The following PRR12 variants were observed in gnomAD, a reference collection of about 807,000 sequenced individuals.
PRR12 encodes the protein proline-rich protein 12.
In PRR12, 12 loss-of-function variants were observed where a neutral mutation model predicts 138.0. The observed-to-expected ratio is 0.09, with a 90% CI of 0.06 to 0.14. PRR12 has a LOEUF of 0.14. PRR12 is among the 10% of genes least tolerant of loss of function. PRR12 has a pLI of 1.00. For missense variants in PRR12, 2,692 were observed against 2,861.3 expected (o/e 0.94, Z 1.35); for synonymous variants, 1,567 against 1,291.7 (o/e 1.21, Z -4.57).
chr19:49,608,257 A>G (rs1234387087), intron 6 of PRR12, among the ~76,000 whole-genome samples: 1 of 152,064 alleles, frequency 6.6e-6, no homozygotes, highest in Non-Finnish European at 1.5e-5. Flanking sequence ...CGGGAGGCTG[A>G]GGCCGGCAGA....
chr19:49,600,044 A>C, intron 5 of PRR12, 106 bp downstream of exon 5: 1 of 1,223,674 alleles, frequency 8.2e-7, no homozygotes, highest in Non-Finnish European at 1.1e-6. Context: ...ATTCACATAC[A>C]TGGTGTAAGC....
In PRR12 at chr19:49,599,072, C is replaced by T. The variant is rs1166417200; in HGVS notation, c.3679-200C>T. 6.6e-6 allele frequency among the ~76,000 whole-genome samples: 1 copy of T among 152,102 alleles called. No individual in the cohort carries two copies. The highest frequency in any genetic ancestry group is 1.5e-5 in the Non-Finnish European group (1 of 68,026). On this transcript the variant is annotated intron_variant, in intron 4 of 13. Coordinates refer to ENST00000418929, the MANE Select transcript of PRR12 (RefSeq NM_020719.3). The surrounding 1 kb of genome is among the most constrained non-coding windows in gnomAD (Gnocchi z 5.0). ...GAACTGGGCTGTAAGTGAAGAGGCT[C>T]AGTGAGTCCAAGTTCCTGGTCTTCT...
Position 49,625,396 on chromosome 19 carries a change from C to G in PRR12, c.5965-65C>G. The G allele has an allele frequency of 2.0e-6, 3 of 1,509,382 alleles. No individual in the cohort carries two copies. Among genetic ancestry groups the G allele is most frequent in the South Asian group, 1.3e-5 (1 of 78,248 alleles). 93.5% of individuals were successfully genotyped at this position (1,509,382 alleles called of 1,614,324 possible). On this transcript the variant is annotated intron_variant, in intron 13 of 13. Transcript: ENST00000418929. This position sits in a 1 kb window ranked among gnomAD's most constrained non-coding sequence, Gnocchi z 5.5. ...CATCTGACACCCCAGGCCCCATGCC[C>G]CAGCCCCTTCCCTCCCCAGAGGCCG...
chr19:49,595,304 G>C lies in PRR12; in HGVS notation c.969G>C (p.Met323Ile). ...YLSCGGSYPS[M>I]GHRANLACSP... is the part of the protein sequence containing the mutation. ...GCTGTGGAGGCAGCTACCCCTCCATGGGCCACCGGGCCAACCTGGCCTGCA... is the reference window on the plus strand; with the variant it reads ...GCTGTGGAGGCAGCTACCCCTCCATCGGCCACCGGGCCAACCTGGCCTGCA... Residue 323 changes from methionine (M) to isoleucine (I), a missense_variant, in exon 4 of 14, where the codon ATG (methionine) becomes ATC (isoleucine). Coordinates refer to ENST00000418929, the MANE Select transcript of PRR12 (RefSeq NM_020719.3). 1.3e-6 allele frequency: 2 copies of C among 1,545,038 alleles called. No homozygotes were observed. The highest frequency in any genetic ancestry group is 1.7e-6 in the Non-Finnish European group (2 of 1,146,124).
At position 49,596,129 on chromosome 19, in the gene PRR12, T is replaced by C. The variant is rs2080766735; in HGVS notation, c.1794T>C (p.Pro598=). The C allele has an allele frequency of 6.2e-7, 1 of 1,604,928 alleles. No homozygotes were observed. The highest frequency in any genetic ancestry group is 8.5e-7 in the Non-Finnish European group (1 of 1,179,750). The part of the protein sequence containing the change: ...KYLSSVLASA[P]FLAPPGAGSY... ...TGAGCTCAGTCTTGGCCTCAGCGCC[T>C]TTCCTGGCACCTCCGGGAGCTGGCA... Residue 598 remains proline, a synonymous_variant, in exon 4 of 14, where the codon CCT becomes CCC. Transcript: ENST00000418929. The surrounding 1 kb of genome is among the most constrained non-coding windows in gnomAD (Gnocchi z 5.6).
rs1039927526 is a variant in PRR12, at chr19:49,599,983, T to A, written c.4345+45T>A. On this transcript the variant is annotated intron_variant, in intron 5 of 13. Coordinates refer to ENST00000418929, the MANE Select transcript of PRR12 (RefSeq NM_020719.3). The surrounding 1 kb of genome is among the most constrained non-coding windows in gnomAD (Gnocchi z 5.0). ...TCTGGGAGTAGAGCTTAAAGGTTATTATGATCACTAGGTAACAGTTGTGCA... is the reference window on the plus strand; with the variant it reads ...TCTGGGAGTAGAGCTTAAAGGTTATAATGATCACTAGGTAACAGTTGTGCA... The A allele has an allele frequency of 2.0e-6, 3 of 1,505,906 alleles. No homozygotes were observed. Among genetic ancestry groups the A allele is most frequent in the Non-Finnish European group, 2.7e-6 (3 of 1,119,394 alleles). 93.3% of individuals were successfully genotyped at this position (1,505,906 alleles called of 1,614,324 possible). A position where few individuals can be genotyped will look rare whatever the true frequency, so the allele number is the denominator to read the frequency against.
At position 49,599,894 on chromosome 19, in the gene PRR12, C is replaced by T; in HGVS notation, c.4301C>T (p.Pro1434Leu). 1.2e-6 allele frequency: 2 copies of T among 1,611,094 alleles called. No homozygotes were observed. The highest frequency in any genetic ancestry group is 2.2e-5 in the South Asian group (2 of 90,982). ...CCCGCGGCTGCAGTTCCAGGGCCAC[C>T]CCCTCTTCCGGGGCTCCCCAGTGCC... ...LAPAAAVPGP[P>L]PLPGLPSANS... Residue 1434 changes from proline to leucine, a missense_variant, in exon 5 of 14, where the codon CCC becomes CTC. Around this residue, in one of 11 missense-constraint regions of PRR12, gnomAD observed 231 missense variants for 200.8 expected, o/e 1.15. Transcript: ENST00000418929. The surrounding 1 kb of genome is among the most constrained non-coding windows in gnomAD (Gnocchi z 5.0).
intron 10 of PRR12, 72 bp downstream of exon 10, chr19:49,620,549 G>A (rs1030035503): frequency 1.2e-5 from 18 of 1,537,726 alleles, no homozygotes; most frequent in Middle Eastern, 3.6e-4. Flanking sequence ...GGGCTTGGAC[G>A]TGATGTGAGA....
intron 10 of PRR12, among the ~76,000 whole-genome samples, chr19:49,620,817 C>T (rs2080918707): frequency 7.8e-6 from 1 of 128,812 alleles, no homozygotes; most frequent in Non-Finnish European, 1.6e-5. Context: ...GGCTGGGGGC[C>T]TGGACTCCTG....
chr19:49,624,996 CACTGGG>C lies in PRR12; in HGVS notation c.5868+7_5868+12del. 2 of 1,601,588 alleles carry C rather than the reference CACTGGG, an allele frequency of 1.2e-6. No individual in the cohort carries two copies. The highest frequency in any genetic ancestry group is 1.3e-5 in the African/African-American group (1 of 74,328). ...GGAGCGTGGTCAGAGCCCAGGTGGG[CACTGGG>C]GCTGGGGCTGGGAGTGGGGAGTGCT... is the stretch of plus-strand genomic sequence containing the variant. On this transcript the variant is annotated splice_region_variant and intron_variant, in intron 12 of 13. Coordinates refer to ENST00000418929, the MANE Select transcript of PRR12 (RefSeq NM_020719.3).
Position 49,599,252 on chromosome 19 carries a change from C to G in PRR12, c.3679-20C>G. 1 of 1,543,080 alleles carries G rather than the reference C, an allele frequency of 6.5e-7. No individual in the cohort carries two copies. The highest frequency in any genetic ancestry group is 8.7e-7 in the Non-Finnish European group (1 of 1,146,212). ...GGCCCAGGCTACTGGGCCCTCACGG[C>G]CCGCCACTCCCATGTCTAGATCAAG... On this transcript the variant is annotated intron_variant, in intron 4 of 13. Coordinates refer to ENST00000418929, the MANE Select transcript of PRR12 (RefSeq NM_020719.3). The surrounding 1 kb of genome is among the most constrained non-coding windows in gnomAD (Gnocchi z 5.0).
At chr19:49,591,867 C>A (rs2080730328) in intron 1 of PRR12, 127 bp downstream of exon 1, 1 of 498,490 alleles carries the variant, frequency 2.0e-6, no homozygotes, top group Non-Finnish European at 3.3e-6. Flanking sequence ...TGCAAGGGAG[C>A]GGCCTTCCTC....
Position 49,614,996 on chromosome 19 carries a change from C to G in PRR12, c.5011C>G (p.Pro1671Ala). The stretch of plus-strand genomic sequence containing the variant: ...TGCTCGGAAACCCTGGCATCGGCCC[C>G]CAGTGCCAGTCAGGTACCAACCATG... ...VCARKPWHRP[P>A]VPVRRSGQAK... is the part of the protein sequence containing the mutation. The change falls in exon 8 of 14, where the codon CCA becomes GCA. Residue 1671 changes from proline to alanine, a missense_variant. Transcript: ENST00000418929. The surrounding 1 kb of genome is among the most constrained non-coding windows in gnomAD (Gnocchi z 5.0). 1.2e-6 allele frequency: 2 copies of G among 1,613,924 alleles called. No homozygotes were observed. The highest frequency in any genetic ancestry group is 1.1e-5 in the South Asian group (1 of 91,080).
In PRR12 at chr19:49,591,639, C is replaced by A. The variant is rs1479943192; in HGVS notation, c.-16C>A. On this transcript the variant is annotated 5_prime_UTR_variant, in exon 1 of 14. Transcript: ENST00000418929. The stretch of plus-strand genomic sequence containing the variant: ...CCCTCCCTCCCCCTCCCCCCAATTT[C>A]CACCGCGGCCAATTCATGGACAGGA... The A allele has an allele frequency of 3.1e-6, 2 of 648,968 alleles. No individual in the cohort carries two copies. The highest frequency in any genetic ancestry group is 4.3e-6 in the Non-Finnish European group (2 of 467,810). 40.2% of individuals were successfully genotyped at this position (648,968 alleles called of 1,614,324 possible).
chr19:49,600,035 T>TG, intron 5 of PRR12, 97 bp downstream of exon 5: 8 of 1,261,730 alleles, frequency 6.3e-6, no homozygotes, highest in Non-Finnish European at 7.5e-6. Context: ...AGAGACACCA[T>TG]TCACATACAT....
rs375684931 is a variant in PRR12 at position 49,615,977 on chromosome 19, G to A, written c.5255G>A (p.Arg1752Gln). 4.5e-6 allele frequency: 7 copies of A among 1,552,614 alleles called. No individual in the cohort carries two copies. Among genetic ancestry groups the A allele is most frequent in the South Asian group, 2.4e-5 (2 of 84,202 alleles). ...KEKEKVTRGE[R>Q]PLRGERATSG... ...AAGGAGAAGGTGACACGTGGAGAGCGGCCATTGCGGGGTGAGCGGGCCACC... is the reference window on the plus strand; with the variant it reads ...AAGGAGAAGGTGACACGTGGAGAGCAGCCATTGCGGGGTGAGCGGGCCACC... Residue 1752 changes from arginine to glutamine, a missense_variant, in exon 9 of 14, where the codon CGG (arginine) becomes CAG (glutamine). Arg to Gln is a conservative substitution (Grantham distance 43). This residue lies in a region of PRR12 where 259 missense variants were observed against 265.1 expected (regional missense o/e 0.98). Transcript: ENST00000418929.
chr19:49,594,369 A>G lies in PRR12; in HGVS notation c.200-85A>G, dbSNP rs2080749787. Reference sequence around the variant, plus strand: ...CCCATCCCCTCCTTTTCCTGATCCAACTTGCTTTTGGCCTCTTCCCTTTCT... The same window carrying G: ...CCCATCCCCTCCTTTTCCTGATCCAGCTTGCTTTTGGCCTCTTCCCTTTCT... On this transcript the variant is annotated intron_variant, in intron 2 of 13. Coordinates refer to ENST00000418929, the MANE Select transcript of PRR12 (RefSeq NM_020719.3). This position sits in a 1 kb window ranked among gnomAD's most constrained non-coding sequence, Gnocchi z 5.6. The G allele has an allele frequency of 2.2e-6, 3 of 1,349,704 alleles. No homozygotes were observed. Among genetic ancestry groups the G allele is most frequent in the Middle Eastern group, 1.9e-4 (1 of 5,258 alleles). The allele number at this position is 1,349,704 out of a possible 1,614,324, so 83.6% of individuals were successfully genotyped here.
Position 49,598,021 on chromosome 19 carries a change from GA to G in PRR12, c.3678+11del. 1 of 1,358,728 alleles carries G rather than the reference GA, an allele frequency of 7.4e-7. No homozygotes were observed. 84.2% of individuals were successfully genotyped at this position (1,358,728 alleles called of 1,614,324 possible). On this transcript the variant is annotated intron_variant, in intron 4 of 13. Coordinates refer to ENST00000418929, the MANE Select transcript of PRR12 (RefSeq NM_020719.3). ...CCCCTGAAGCCACTTAAGGTGAGGG[GA>G]AATGGGGTCTTGTAGGGGATAGGGG...
chr19:49,597,398 G>T lies in PRR12; in HGVS notation c.3063G>T (p.Thr1021=), dbSNP rs926444040. The T allele has an allele frequency of 6.5e-7, 1 of 1,537,650 alleles. No homozygotes were observed. Among genetic ancestry groups the T allele is most frequent in the African/African-American group, 1.4e-5 (1 of 73,086 alleles). The change falls in exon 4 of 14, where the codon ACG becomes ACT. Residue 1021 remains threonine (T), a synonymous_variant. Transcript: ENST00000418929. This position sits in a 1 kb window ranked among gnomAD's most constrained non-coding sequence, Gnocchi z 6.3. ...DPNKPPELPS[T]VNAEPLGLIQ... The stretch of plus-strand genomic sequence containing the variant: ...ACAAACCGCCTGAACTGCCCTCCAC[G>T]GTCAACGCCGAGCCGCTGGGCCTGA...
Sources: allele counts gnomAD v4.1 joint callset (sites outside exome capture counted in the v4.1 genomes callset), GRCh38; gene constraint gnomAD v4.1.1; regional missense constraint gnomAD v4.1.1; non-coding constraint Gnocchi (gnomAD v3.1); transcripts MANE v1.5; gene names NCBI Gene and HGNC (gene_info 2026-07-23, HGNC 2026-07-21).